LGSN: variants seen among roughly 807,000 people sequenced by gnomAD.
The protein encoded by LGSN is lengsin, lens protein with glutamine synthetase domain, also known as lengsin.
Under a neutral mutation model 19.5 loss-of-function variants are expected in LGSN, and 21 were observed. The observed-to-expected ratio is 1.07, with a 90% CI of 0.76 to 1.55. LGSN has a LOEUF of 1.55. Ranked by LOEUF, LGSN falls within the 40% of genes most tolerant of loss-of-function variation. The pLI, the probability that LGSN is intolerant of heterozygous loss-of-function variation, is 0.00. For synonymous variants in LGSN, 257 were observed against 215.6 expected, an observed-to-expected ratio of 1.19 and a Z score of -1.68; for missense variants, 673 against 608.5, an observed-to-expected ratio of 1.11 and a Z score of -1.12.
the LGSN span, among the ~76,000 whole-genome samples, chr6:63,467,752 C>T: frequency 2.6e-5 from 4 of 152,126 alleles, 1 homozygote; most frequent in African/African-American, 7.2e-5. Flanking sequence ...AGTGCGGTGG[C>T]GTGATCTCGG....
At chr6:63,483,791 CTT>C in the LGSN span, among the ~76,000 whole-genome samples, 1 of 151,804 alleles carries the variant, frequency 6.6e-6, no homozygotes, top group Non-Finnish European at 1.5e-5. Flanking sequence ...CAAATTTTCT[CTT>C]CTTTTTTCCT....
chr6:63,510,492 T>TGTTTAAA, the LGSN span, among the ~76,000 whole-genome samples: 1 of 149,662 alleles, frequency 6.7e-6, no homozygotes, highest in Admixed American at 6.7e-5. Flanking sequence ...ACACTTCAAG[T>TGTTTAAA]CATAACTCCT....
the LGSN span, among the ~76,000 whole-genome samples, chr6:63,476,635 T>G: frequency 6.6e-6 from 1 of 152,152 alleles, no homozygotes; most frequent in Non-Finnish European, 1.5e-5. Context: ...GTCTTCTCAC[T>G]CAGCAGCTGC....
At chr6:63,386,643 A>G in the LGSN span, among the ~76,000 whole-genome samples, 14 of 152,194 alleles carry the variant, frequency 9.2e-5, no homozygotes, top group African/African-American at 3.4e-4. Flanking sequence ...GAACTATACA[A>G]TACCTTGACT....
the LGSN span, among the ~76,000 whole-genome samples, chr6:63,499,568 A>G: frequency 6.6e-6 from 1 of 152,048 alleles, no homozygotes; most frequent in Non-Finnish European, 1.5e-5. Context: ...GTAGCATTTG[A>G]ATAAGAGATA....
chr6:63,465,738 A>G, the LGSN span, among the ~76,000 whole-genome samples: 1 of 152,182 alleles, frequency 6.6e-6, no homozygotes, highest in African/African-American at 2.4e-5. Flanking sequence ...TTTCACCAGC[A>G]CACCACAGGA....
At chr6:63,468,706 G>A in the LGSN span, among the ~76,000 whole-genome samples, 1 of 152,184 alleles carries the variant, frequency 6.6e-6, no homozygotes, top group East Asian at 1.9e-4. Context: ...AGGATTACAG[G>A]CATGAGTCAC....
At chr6:63,561,286 A>G in the LGSN span, among the ~76,000 whole-genome samples, 3 of 152,186 alleles carry the variant, frequency 2.0e-5, no homozygotes, top group Non-Finnish European at 2.9e-5. Context: ...TGGGAGTAAT[A>G]TCAATCTGGA....
the LGSN span, among the ~76,000 whole-genome samples, chr6:63,351,429 GA>G: frequency 5.7e-4 from 83 of 146,116 alleles, no homozygotes; most frequent in Non-Finnish European, 1.1e-3. Flanking sequence ...GAGAGAGAGA[GA>G]GAGGAAGAGA....
At chr6:63,567,241 T>C in the LGSN span, among the ~76,000 whole-genome samples, 1 of 152,234 alleles carries the variant, frequency 6.6e-6, no homozygotes, top group East Asian at 1.9e-4. Flanking sequence ...ATGTTTTTGG[T>C]TTACTTTGCT....
the LGSN span, among the ~76,000 whole-genome samples, chr6:63,473,864 T>C: frequency 6.7e-6 from 1 of 148,556 alleles, no homozygotes; most frequent in Non-Finnish European, 1.5e-5. Context: ...GCTCAATGTT[T>C]GCTATTAATA....
the LGSN span, among the ~76,000 whole-genome samples, chr6:63,487,097 A>C: frequency 1.3e-5 from 2 of 151,990 alleles, no homozygotes; most frequent in Admixed American, 1.3e-4. Flanking sequence ...GGCCTCCCAA[A>C]GTGCTGGGAT....
chr6:63,398,831 T>A, the LGSN span, among the ~76,000 whole-genome samples: 2 of 152,074 alleles, frequency 1.3e-5, no homozygotes, highest in African/African-American at 4.8e-5. Context: ...ATATATATAT[T>A]TTTTCTTTTG....
the LGSN span, among the ~76,000 whole-genome samples, chr6:63,442,756 A>G: frequency 6.6e-6 from 1 of 152,036 alleles, no homozygotes; most frequent in Admixed American, 6.5e-5. Flanking sequence ...TCCCCACCAG[A>G]TTAGCTAGAT....
chr6:63,535,779 A>T, the LGSN span, among the ~76,000 whole-genome samples: 30 of 152,136 alleles, frequency 2.0e-4, no homozygotes, highest in Non-Finnish European at 4.3e-4. Context: ...CTAGTTAAAA[A>T]TCAATAGCTA....
chr6:63,428,036 C>G, the LGSN span, among the ~76,000 whole-genome samples: 4 of 151,768 alleles, frequency 2.6e-5, no homozygotes, highest in Non-Finnish European at 5.9e-5. Context: ...GTTTTTATCA[C>G]AAAAGTAAAT....
chr6:63,369,775 C>T, the LGSN span, among the ~76,000 whole-genome samples: 1 of 152,098 alleles, frequency 6.6e-6, no homozygotes, highest in Non-Finnish European at 1.5e-5. Flanking sequence ...AATCCTAGCA[C>T]TTTGGGAGGC....
chr6:63,572,324 T>G, the LGSN span: 4 of 232,766 alleles, frequency 1.7e-5, no homozygotes, highest in Non-Finnish European at 1.7e-5. Flanking sequence ...CATCAACCGG[T>G]TCACACCGGC....
In LGSN at chr6:63,304,004, T is replaced by G. The variant is rs572956660; in HGVS notation, c.31-8959A>C. 2.1e-3 allele frequency among the ~76,000 whole-genome samples: 323 copies of G among 152,348 alleles called. 1 individual carries two copies. The highest frequency in any genetic ancestry group is 3.6e-3 in the Non-Finnish European group (245 of 68,028). ...GAGATTCTTAACCTTTCTTAACTTT[T>G]GCCTTGCTTATGCCTCTTGGAACAA... On this transcript the variant is annotated intron_variant, in intron 1 of 3. Coordinates refer to ENST00000370657, the MANE Select transcript of LGSN (RefSeq NM_016571.3).
Sources: gnomAD v4.1 joint callset for allele counts (sites outside exome capture counted in the v4.1 genomes callset) on GRCh38, gnomAD v4.1.1 for gene constraint, MANE v1.5 for transcripts, NCBI Gene and HGNC (gene_info 2026-07-23, HGNC 2026-07-21) for gene names.